The following GRIA4 variants were observed in gnomAD, a reference collection of about 807,000 sequenced individuals.
GRIA4 encodes glutamate ionotropic receptor AMPA type subunit 4.
In GRIA4, 34 loss-of-function variants were observed where a neutral mutation model predicts 104.0. The ratio of observed to expected loss-of-function variants is 0.33; its 90% CI spans 0.25 to 0.44. GRIA4 has a LOEUF of 0.44. Ranked by LOEUF, GRIA4 falls within the 20% of genes least tolerant of loss-of-function variation. The pLI is 1.00. For missense variants in GRIA4, 750 were observed against 1,096.5 expected, an observed-to-expected ratio of 0.68 and a Z score of 4.46; for synonymous variants, 386 against 381.9, an observed-to-expected ratio of 1.01 and a Z score of -0.13.
intron 5 of GRIA4, among the ~76,000 whole-genome samples, chr11:105,873,474 G>A (rs906711791): frequency 6.6e-6 from 1 of 152,182 alleles, no homozygotes; most frequent in African/African-American, 2.4e-5. Flanking sequence ...GGTATTTCTG[G>A]TTCTAGATCC....
chr11:105,701,494 A>C (rs77862095), intron 3 of GRIA4, among the ~76,000 whole-genome samples: 4,079 of 152,130 alleles, frequency 0.027, 100 homozygotes, highest in African/African-American at 0.065. Flanking sequence ...GCATTTCCTT[A>C]TTTTGAAGCA....
intron 3 of GRIA4, among the ~76,000 whole-genome samples, chr11:105,660,917 G>A (rs1951988511): frequency 6.6e-6 from 1 of 151,598 alleles, no homozygotes; most frequent in African/African-American, 2.4e-5. Context: ...GGATCAACCT[G>A]TAGATAAGTT....
intron 12 of GRIA4, 65 bp downstream of exon 12, chr11:105,924,834 T>A: frequency 1.7e-6 from 2 of 1,209,266 alleles, no homozygotes; most frequent in Non-Finnish European, 2.4e-6. Context: ...GTGCAGATTA[T>A]CTCTCTACAT....
intron 3 of GRIA4, among the ~76,000 whole-genome samples, chr11:105,705,425 A>C (rs1401618806): frequency 3.3e-5 from 5 of 152,200 alleles, no homozygotes; most frequent in African/African-American, 7.2e-5. Flanking sequence ...ACCAACTACA[A>C]ATTTAAAAAC....
At chr11:105,879,639 C>G (rs2136076374) in intron 5 of GRIA4, among the ~76,000 whole-genome samples, 1 of 152,214 alleles carries the variant, frequency 6.6e-6, no homozygotes, top group Admixed American at 6.5e-5. Flanking sequence ...TAGCCCCATA[C>G]AAAATGGAAT....
At chr11:105,825,033 C>T (rs1245423530) in intron 4 of GRIA4, among the ~76,000 whole-genome samples, 2 of 152,168 alleles carry the variant, frequency 1.3e-5, no homozygotes, top group East Asian at 3.9e-4. Flanking sequence ...CAATCAACAG[C>T]CACAGTTTGT....
At chr11:105,854,060 G>A (rs1434684241) in intron 4 of GRIA4, among the ~76,000 whole-genome samples, 2 of 151,946 alleles carry the variant, frequency 1.3e-5, no homozygotes, top group South Asian at 2.1e-4. Flanking sequence ...ACTATTTATC[G>A]AGTCCCTTTT....
At chr11:105,819,341 C>T (rs987994856) in intron 4 of GRIA4, among the ~76,000 whole-genome samples, 1 of 152,112 alleles carries the variant, frequency 6.6e-6, no homozygotes, top group Non-Finnish European at 1.5e-5. Flanking sequence ...ATTTCCTCAT[C>T]TGTAAAATAA....
chr11:105,757,529 T>A (rs2135707707), intron 4 of GRIA4, among the ~76,000 whole-genome samples: 1 of 152,164 alleles, frequency 6.6e-6, no homozygotes, highest in African/African-American at 2.4e-5. Context: ...AGAGATGAAA[T>A]ACAGAAGCCT....
At chr11:105,747,629 A>C (rs1939738566) in intron 3 of GRIA4, among the ~76,000 whole-genome samples, 1 of 152,190 alleles carries the variant, frequency 6.6e-6, no homozygotes, top group East Asian at 1.9e-4. Flanking sequence ...AATATAGAAA[A>C]TTAAGAAAAG....
At chr11:105,964,227 G>A (rs1948806190) in intron 14 of GRIA4, among the ~76,000 whole-genome samples, 1 of 152,118 alleles carries the variant, frequency 6.6e-6, no homozygotes, top group Non-Finnish European at 1.5e-5. Context: ...CACCACTAAT[G>A]TGGCACTTAC....
rs535529258 is a variant in GRIA4, at chr11:105,822,543, G to A, written c.488-39481G>A. Among the ~76,000 whole-genome samples, 56 of 152,158 alleles carry A rather than the reference G, an allele frequency of 3.7e-4. No homozygotes were observed. In the South Asian group the frequency reaches 6.4e-3, roughly 17 times the overall value. On this transcript the variant is annotated intron_variant, in intron 4 of 16. Coordinates refer to ENST00000282499, the MANE Select transcript of GRIA4 (RefSeq NM_000829.4). ...TCTGAGCAATGGTAGGGTGCTCAGG[G>A]AATGCAATGATTTTTCAACCCAAAT...
intron 14 of GRIA4, among the ~76,000 whole-genome samples, chr11:105,945,072 AAGAAGGTCAGGG>A (rs1591473940): frequency 6.6e-6 from 1 of 152,132 alleles, no homozygotes; most frequent in East Asian, 1.9e-4. Flanking sequence ...CAAAAAACAA[AAGAAGGTCAGGG>A]AGATGAGCTG....
chr11:105,783,104 T>C (rs1466426192), intron 4 of GRIA4, among the ~76,000 whole-genome samples: 1 of 152,184 alleles, frequency 6.6e-6, no homozygotes, highest in Non-Finnish European at 1.5e-5. Flanking sequence ...TTTTATGTTT[T>C]TAACTTGAAT....
chr11:105,840,674 C>G (rs1944359602), intron 4 of GRIA4, among the ~76,000 whole-genome samples: 1 of 152,206 alleles, frequency 6.6e-6, no homozygotes, highest in Non-Finnish European at 1.5e-5. Context: ...TTCAGAGGCT[C>G]TCAAACAATT....
chr11:105,658,832 A>C (rs563232129), intron 3 of GRIA4, among the ~76,000 whole-genome samples: 9 of 151,972 alleles, frequency 5.9e-5, no homozygotes, highest in African/African-American at 1.9e-4. Context: ...TTTTTCTTAC[A>C]TGTGAATGGA....
At chr11:105,782,349 A>G (rs977746673) in intron 4 of GRIA4, among the ~76,000 whole-genome samples, 4 of 152,226 alleles carry the variant, frequency 2.6e-5, no homozygotes, top group African/African-American at 7.2e-5. Context: ...AAAAGTTTTC[A>G]TACTAAGAAA....
intron 14 of GRIA4, among the ~76,000 whole-genome samples, chr11:105,942,304 A>G (rs1446902380): frequency 6.6e-6 from 1 of 152,134 alleles, no homozygotes; most frequent in African/African-American, 2.4e-5. Context: ...TGTATAAGCC[A>G]TAGAATTAGT....
At chr11:105,680,873 G>C (rs1952687859) in intron 3 of GRIA4, among the ~76,000 whole-genome samples, 1 of 152,102 alleles carries the variant, frequency 6.6e-6, no homozygotes, top group Non-Finnish European at 1.5e-5. Context: ...TCACCTCCTT[G>C]CAAGCAGACA....
Sources: gnomAD v4.1 joint callset for allele counts (sites outside exome capture counted in the v4.1 genomes callset) on GRCh38, gnomAD v4.1.1 for gene constraint, MANE v1.5 for transcripts, NCBI Gene and HGNC (gene_info 2026-07-23, HGNC 2026-07-21) for gene names.